Variants in TMF1 observed in about 807,000 individuals in gnomAD.
TMF1 encodes TATA element modulatory factor.
In TMF1, 71 loss-of-function variants were observed where a neutral mutation model predicts 126.5. That is an observed-to-expected ratio of 0.56 (90% CI 0.46 to 0.68). TMF1 has a LOEUF of 0.68. TMF1 is among the 30% of genes least tolerant of loss of function. The probability of loss-of-function intolerance (pLI) is 0.00; values close to 1 mark genes in which losing one functional copy is unlikely to be tolerated. For missense variants in TMF1, 1,259 were observed against 1,253.2 expected (o/e 1.00, Z -0.07); for synonymous variants, 461 against 430.5 (o/e 1.07, Z -0.88).
chr3:69,022,966 A>G lies in TMF1; in HGVS notation c.*211T>C, dbSNP rs2091747727. The G allele has an allele frequency of 2.4e-6, 1 of 423,320 alleles. No homozygotes were observed. Among genetic ancestry groups the G allele is most frequent in the East Asian group, 4.1e-5 (1 of 24,218 alleles). The allele number at this position is 423,320 out of a possible 1,614,324, so 26.2% of individuals were successfully genotyped here. A position where few individuals can be genotyped will look rare whatever the true frequency, so the allele number is the denominator to read the frequency against. ...GAATGCTTTAAAAAATAAATCTTTAAAGAATAGTTTCAAAAATAAAGTTCA... is the reference window on the plus strand; with the variant it reads ...GAATGCTTTAAAAAATAAATCTTTAGAGAATAGTTTCAAAAATAAAGTTCA... On this transcript the variant is annotated 3_prime_UTR_variant, in exon 17 of 17. Transcript: ENST00000398559.
intron 15 of TMF1, chr3:69,024,885 A>G (rs895348867): frequency 6.6e-6 from 1 of 150,960 alleles, no homozygotes; most frequent in African/African-American, 2.4e-5. Context: ...TGGAAATCCA[A>G]AATGCTCAAT....
At chr3:69,027,820 GC>G in intron 13 of TMF1, 79 bp downstream of exon 13, 2 of 725,248 alleles carry the variant, frequency 2.8e-6, no homozygotes, top group Non-Finnish European at 4.5e-6. Context: ...ATAAAGCATA[GC>G]TAAAATTAAA....
At chr3:69,043,646 TC>T (rs1243737438) in intron 4 of TMF1, 103 bp downstream of exon 4, 10 of 1,129,524 alleles carry the variant, frequency 8.9e-6, no homozygotes, top group African/African-American at 1.6e-5. Context: ...GATATCCTTT[TC>T]ACCTTACTTC....
At chr3:69,036,041 T>C (rs1206506990) in intron 8 of TMF1, among the ~76,000 whole-genome samples, 1 of 152,060 alleles carries the variant, frequency 6.6e-6, no homozygotes, top group Non-Finnish European at 1.5e-5. Flanking sequence ...ATATGGACCA[T>C]GGCATGACTT....
chr3:69,046,422 A>C (rs2091896621), intron 2 of TMF1, among the ~76,000 whole-genome samples: 1 of 152,212 alleles, frequency 6.6e-6, no homozygotes, highest in African/African-American at 2.4e-5. Flanking sequence ...AACTCCTATT[A>C]TATATCTTAC....
rs574689796 is a variant in TMF1 at position 69,045,573 on chromosome 3, A to C, written c.1348-978T>G. 7.2e-5 allele frequency among the ~76,000 whole-genome samples: 11 copies of C among 152,246 alleles called. 1 individual carries two copies. The East Asian group carries it at 2.1e-3, about 29-fold the overall frequency. On this transcript the variant is annotated intron_variant, in intron 2 of 16. Transcript: ENST00000398559. ...GGAGGGCAGATCACTTGAGGTCAGG[A>C]GTTCAAGACCAGCCTGACCAACACG...
Position 69,046,274 on chromosome 3 carries a change from G to A in TMF1, c.1347+1084C>T, listed in dbSNP as rs185184767. On this transcript the variant is annotated intron_variant, in intron 2 of 16. Coordinates refer to ENST00000398559, the MANE Select transcript of TMF1 (RefSeq NM_007114.3). Reference sequence around the variant, plus strand: ...GATAAACTTGAGTATAAAAGGAGTAGGAAGGGTTCCTTTTTGGACTCAAAA... The same window carrying A: ...GATAAACTTGAGTATAAAAGGAGTAAGAAGGGTTCCTTTTTGGACTCAAAA... 5.9e-3 allele frequency among the ~76,000 whole-genome samples: 828 copies of A among 140,958 alleles called. 9 individuals carry two copies. The highest frequency in any genetic ancestry group is 0.021 in the African/African-American group (776 of 37,844). 92.5% of individuals were successfully genotyped at this position (140,958 alleles called of 152,430 possible).
At chr3:69,043,712 T>C (rs1232128828) in intron 4 of TMF1, 38 bp downstream of exon 4, 2 of 1,556,410 alleles carry the variant, frequency 1.3e-6, no homozygotes, top group East Asian at 2.3e-5. Flanking sequence ...TCTATATCTC[T>C]ATAGAGTTTA....
intron 11 of TMF1, 37 bp from the exon 12 acceptor site, chr3:69,028,332 G>GA: frequency 7.0e-7 from 1 of 1,438,182 alleles, no homozygotes; most frequent in Non-Finnish European, 9.8e-7. Flanking sequence ...AACAGAAAAT[G>GA]AAAAAGATGC....
chr3:69,039,529 G>C, intron 6 of TMF1, 22 bp downstream of exon 6: 1 of 1,603,492 alleles, frequency 6.2e-7, no homozygotes, highest in East Asian at 2.2e-5. Context: ...TATATATGTA[G>C]AGAATTATGA....
At position 69,029,901 on chromosome 3, in the gene TMF1, A is replaced by G; in HGVS notation, c.2508T>C (p.Ser836=). ...ATCTACTGTTTTCCTGTCTTAAAAG[A>G]GAATTCTGTGACTCCATGGAAGACA... The part of the protein sequence containing the change: ...IQMSSMESQN[S]LLRQENSRFQ... The change falls in exon 11 of 17, where the codon TCT becomes TCC. Residue 836 remains serine (S), a synonymous_variant. Transcript: ENST00000398559. 1 of 1,614,166 alleles carries G rather than the reference A, an allele frequency of 6.2e-7. No homozygotes were observed. Among genetic ancestry groups the G allele is most frequent in the Non-Finnish European group, 8.5e-7 (1 of 1,180,010 alleles).
In TMF1 at chr3:69,039,617, T is replaced by C. The variant is rs756293915; in HGVS notation, c.1761A>G (p.Glu587=). 1 of 1,613,774 alleles carries C rather than the reference T, an allele frequency of 6.2e-7. No individual in the cohort carries two copies. Among genetic ancestry groups the C allele is most frequent in the Non-Finnish European group, 8.5e-7 (1 of 1,179,962 alleles). ...KKLRAKDKEN[E]NMVAKLNKKV... is the part of the protein sequence containing the mutation. ...TTTTGTTCAGCTTTGCAACCATATT[T>C]TCATTCTCCTTGTCTTTAGCTCTTA... The change falls in exon 6 of 17, where the codon GAA becomes GAG. Residue 587 remains glutamate (E), a synonymous_variant. Coordinates refer to ENST00000398559, the MANE Select transcript of TMF1 (RefSeq NM_007114.3).
intron 2 of TMF1, among the ~76,000 whole-genome samples, chr3:69,046,596 A>C (rs1428742765): frequency 6.6e-6 from 1 of 152,236 alleles, no homozygotes; most frequent in African/African-American, 2.4e-5. Flanking sequence ...AAGTCTATTA[A>C]AGATACCAGA....
At chr3:69,048,939 T>G (rs1195529023) in intron 1 of TMF1, 2 of 167,176 alleles carry the variant, frequency 1.2e-5, no homozygotes, top group Non-Finnish European at 2.6e-5. Context: ...ACGCTTTACT[T>G]ATCAATATGA....
chr3:69,026,351 C>G (rs538149733), intron 13 of TMF1, among the ~76,000 whole-genome samples: 1 of 152,150 alleles, frequency 6.6e-6, no homozygotes, highest in Non-Finnish European at 1.5e-5. Context: ...AATCCCAGCA[C>G]TTTGGGAGGC....
Position 69,042,888 on chromosome 3 carries a change from G to C in TMF1, c.1603C>G (p.Leu535Val). 6.2e-7 allele frequency: 1 copy of C among 1,612,434 alleles called. No homozygotes were observed. Among genetic ancestry groups the C allele is most frequent in the Non-Finnish European group, 8.5e-7 (1 of 1,179,156 alleles). ...TCACTACTATTTAATCTAGTGGCAAGTTCTTCTTTTATGTTTTTGATTTCC... is the reference window on the plus strand; with the variant it reads ...TCACTACTATTTAATCTAGTGGCAACTTCTTCTTTTATGTTTTTGATTTCC... ...KKEIKNIKEE[L>V]ATRLNSSETA... is the part of the protein sequence containing the mutation. Residue 535 changes from leucine (L) to valine (V), a missense_variant, in exon 5 of 17, where the codon CTT (leucine) becomes GTT (valine). Leu to Val is a conservative substitution (Grantham distance 32). Transcript: ENST00000398559.
At chr3:69,027,679 TAAAA>T (rs11318005) in intron 13 of TMF1, among the ~76,000 whole-genome samples, 2 of 130,686 alleles carry the variant, frequency 1.5e-5, no homozygotes, top group Non-Finnish European at 1.7e-5. Flanking sequence ...GCTGATGAAC[TAAAA>T]AAAAAAAAAA....
chr3:69,027,761 T>C (rs1337406598), intron 13 of TMF1, 139 bp downstream of exon 13: 2 of 471,536 alleles, frequency 4.2e-6, no homozygotes, highest in Non-Finnish European at 3.7e-6. Context: ...TCATTCAAAA[T>C]CATCCTGGGC....
At position 69,047,553 on chromosome 3, in the gene TMF1, T is replaced by C. The variant is rs1161457174; in HGVS notation, c.1152A>G (p.Leu384=). Residue 384 remains leucine (L), a synonymous_variant, in exon 2 of 17, where the codon TTA becomes TTG. Coordinates refer to ENST00000398559, the MANE Select transcript of TMF1 (RefSeq NM_007114.3). The part of the protein sequence containing the change: ...EGKSEEVNET[L]VIPTEEAEME... ...TTTCTGCTTCCTCAGTGGGTATAAC[T>C]AATGTTTCATTTACTTCTTCAGATT... 6.2e-7 allele frequency: 1 copy of C among 1,614,036 alleles called. No individual in the cohort carries two copies. Among genetic ancestry groups the C allele is most frequent in the African/African-American group, 1.3e-5 (1 of 74,944 alleles).
Sources: gnomAD v4.1 joint callset for allele counts (sites outside exome capture counted in the v4.1 genomes callset) on GRCh38, gnomAD v4.1.1 for gene constraint, MANE v1.5 for transcripts, NCBI Gene and HGNC (gene_info 2026-07-23, HGNC 2026-07-21) for gene names.